CACNA1S: variants seen among roughly 807,000 people sequenced by gnomAD.
CACNA1S encodes the protein voltage-dependent L-type calcium channel subunit alpha-1S.
CACNA1S carries 126 observed loss-of-function variants against 207.4 expected under a neutral mutation model. The ratio of observed to expected loss-of-function variants is 0.61; its 90% confidence interval spans 0.53 to 0.70. The LOEUF is 0.70. Ranked by LOEUF, CACNA1S falls within the 30% of genes least tolerant of loss-of-function variation. The pLI is 0.00. For missense variants in CACNA1S, 2,349 were observed against 2,422.8 expected (o/e 0.97, Z 0.64); for synonymous variants, 960 against 932.7 (o/e 1.03, Z -0.53).
intron 33 of CACNA1S, 133 bp downstream of exon 33, chr1:201,050,851 T>C: frequency 1.0e-6 from 1 of 993,716 alleles, no homozygotes; most frequent in Admixed American, 1.8e-5. Context: ...GGGGACAACC[T>C]AACTAGAGCC....
At chr1:201,105,939 C>T (rs1662865110) in intron 2 of CACNA1S, among the ~76,000 whole-genome samples, 1 of 152,166 alleles carries the variant, frequency 6.6e-6, no homozygotes, top group South Asian at 2.1e-4. Flanking sequence ...CCCCACCCAG[C>T]CAGTTTGGCA....
At chr1:201,052,420 C>T (rs1486594132) in intron 32 of CACNA1S, 137 bp downstream of exon 32, 2 of 693,310 alleles carry the variant, frequency 2.9e-6, no homozygotes, top group Non-Finnish European at 5.3e-6. Flanking sequence ...AGCAGGGGAC[C>T]CTTCTGAGTA....
rs148593959 is a variant in CACNA1S at position 201,089,429 on chromosome 1, C to T, written c.729G>A (p.Ser243=). ...IVATVENEEP[S]PCARTGSGRR... ...GCCCTGAGCCCGTCCTGGCGCAGGG[C>T]GATGGCTCTTCATTCTCCACCGTGG... Residue 243 remains serine, a synonymous_variant, in exon 6 of 44, where the codon TCG becomes TCA. Transcript: ENST00000362061. 21 of 1,614,106 alleles carry T rather than the reference C, an allele frequency of 1.3e-5. No individual in the cohort carries two copies. The highest frequency in any genetic ancestry group is 1.7e-5 in the Non-Finnish European group (20 of 1,180,024).
Position 201,091,809 on chromosome 1 carries a change from G to A in CACNA1S, c.542-17C>T, listed in dbSNP as rs759542761. ...CCTGCAGGCCTGCAGAGGCAGGCAG[G>A]GAAGGGAAAAGAGGAGTCGCCTCTG... On this transcript the variant is annotated splice_polypyrimidine_tract_variant and intron_variant, in intron 4 of 43. Transcript: ENST00000362061. 1.2e-6 allele frequency: 2 copies of A among 1,611,064 alleles called. No homozygotes were observed. Among genetic ancestry groups the A allele is most frequent in the Admixed American group, 1.7e-5 (1 of 59,310 alleles).
intron 29 of CACNA1S, among the ~76,000 whole-genome samples, 169 bp downstream of exon 29, chr1:201,054,336 C>A (rs888570584): frequency 2.0e-5 from 3 of 152,210 alleles, no homozygotes; most frequent in Non-Finnish European, 4.4e-5. Flanking sequence ...GACTGCAGAG[C>A]CTCTGCCCCC....
chr1:201,088,786 C>T (rs545798977), intron 6 of CACNA1S, among the ~76,000 whole-genome samples: 1 of 152,246 alleles, frequency 6.6e-6, no homozygotes, highest in South Asian at 2.1e-4. Flanking sequence ...GACTGTGTGC[C>T]GGGCACTGTT....
chr1:201,054,445 G>T, intron 29 of CACNA1S, 60 bp downstream of exon 29: 2 of 1,506,162 alleles, frequency 1.3e-6, no homozygotes, highest in South Asian at 1.1e-5. Context: ...GCCCATGCAT[G>T]CAAGTGGCAG....
chr1:201,110,767 A>T (rs567550124), intron 1 of CACNA1S, among the ~76,000 whole-genome samples: 2 of 152,314 alleles, frequency 1.3e-5, no homozygotes, highest in Admixed American at 1.3e-4. Context: ...CTGAATTTCC[A>T]GAGCCATGTG....
At chr1:201,107,720 T>G (rs1055207033) in intron 2 of CACNA1S, among the ~76,000 whole-genome samples, 1 of 152,196 alleles carries the variant, frequency 6.6e-6, no homozygotes, top group Admixed American at 6.5e-5. Flanking sequence ...CCTTTTCTAC[T>G]CTGACTCCTC....
At chr1:201,095,277 C>T (rs1022653418) in intron 2 of CACNA1S, among the ~76,000 whole-genome samples, 7 of 151,978 alleles carry the variant, frequency 4.6e-5, no homozygotes, top group Non-Finnish European at 8.8e-5. Flanking sequence ...ACAACCCAGC[C>T]CCCATCACCA....
At position 201,065,900 on chromosome 1, in the gene CACNA1S, T is replaced by A; in HGVS notation, c.2791A>T (p.Ile931Phe). 6.2e-7 allele frequency: 1 copy of A among 1,614,154 alleles called. No homozygotes were observed. Among genetic ancestry groups the A allele is most frequent in the Non-Finnish European group, 8.5e-7 (1 of 1,180,008 alleles). Reference sequence around the variant, plus strand: ...TGTAGGAGGGTAGTGACCAGCACGATGTTCCCGATGGTGCTGATGGCCACG... The same window carrying A: ...TGTAGGAGGGTAGTGACCAGCACGAAGTTCCCGATGGTGCTGATGGCCACG... The part of the protein sequence containing the change: ...MFVAISTIGN[I>F]VLVTTLLQFM... The change falls in exon 22 of 44, where the codon ATC (isoleucine) becomes TTC (phenylalanine). Residue 931 changes from isoleucine (I) to phenylalanine (F), a missense_variant. Physicochemically the swap from Ile to Phe is conservative, Grantham distance 21. Coordinates refer to ENST00000362061, the MANE Select transcript of CACNA1S (RefSeq NM_000069.3).
At position 201,091,968 on chromosome 1, in the gene CACNA1S, C is replaced by A; in HGVS notation, c.541+4G>T. 6.2e-7 allele frequency: 1 copy of A among 1,614,034 alleles called. No individual in the cohort carries two copies. The highest frequency in any genetic ancestry group is 1.7e-4 in the Middle Eastern group (1 of 6,056). ...AAGGGGTCTGCAGGGACACTGCCAC[C>A]CACTAGGCACCCCCGACACCAGCCG... On this transcript the variant is annotated splice_donor_region_variant and intron_variant, in intron 4 of 43. Transcript: ENST00000362061.
chr1:201,105,560 C>T (rs1662846656), intron 2 of CACNA1S, among the ~76,000 whole-genome samples: 1 of 152,120 alleles, frequency 6.6e-6, no homozygotes, highest in Non-Finnish European at 1.5e-5. Context: ...TTTCAGAGGC[C>T]CGTGCCACTG....
intron 19 of CACNA1S, among the ~76,000 whole-genome samples, chr1:201,068,679 C>T (rs1280760318): frequency 5.9e-5 from 9 of 151,750 alleles, no homozygotes; most frequent in East Asian, 2.0e-4. Flanking sequence ...AAGACCATCC[C>T]AGCCAACATG....
chr1:201,054,159 C>T (rs778230795), intron 29 of CACNA1S, among the ~76,000 whole-genome samples: 1 of 152,246 alleles, frequency 6.6e-6, no homozygotes, highest in Non-Finnish European at 1.5e-5. Flanking sequence ...CCCTGCTCTG[C>T]TTCCTGTGTC....
rs1264740117 is a variant in CACNA1S at position 201,078,056 on chromosome 1, A to T, written c.1442T>A (p.Met481Lys). Reference protein sequence around the residue: ...LLSLFTTEMLMKMYGLGLRQY... With the variant: ...LLSLFTTEMLKKMYGLGLRQY... ...GCGCAGGCCCAGCCCGTACATCTTC[A>T]TCAGCATCTCAGTGGTGAAGAGGGA... The change falls in exon 11 of 44, where the codon ATG (methionine) becomes AAG (lysine). Residue 481 changes from methionine (M) to lysine (K), a missense_variant. Transcript: ENST00000362061. The T allele has an allele frequency of 1.2e-6, 2 of 1,614,240 alleles. No homozygotes were observed. The highest frequency in any genetic ancestry group is 3.3e-5 in the Admixed American group (2 of 60,034).
Position 201,041,779 on chromosome 1 carries a change from G to C in CACNA1S, c.5049-190C>G, listed in dbSNP as rs1572015654. On this transcript the variant is annotated intron_variant, in intron 40 of 43. Coordinates refer to ENST00000362061, the MANE Select transcript of CACNA1S (RefSeq NM_000069.3). ...AGCCCTGACTCTCTAGGAGGAAGGA[G>C]TCCAGAGCATTCCTGACTCCACTCC... 7.6e-6 allele frequency: 5 copies of C among 662,190 alleles called. No individual in the cohort carries two copies. The East Asian group carries it at 1.4e-4, about 18-fold the overall frequency. The allele number at this position is 662,190 out of a possible 1,614,324, so 41.0% of individuals were successfully genotyped here.
Position 201,089,278 on chromosome 1 carries a change from A to G in CACNA1S, c.880T>C (p.Trp294Arg). 1 of 1,614,250 alleles carries G rather than the reference A, an allele frequency of 6.2e-7. No homozygotes were observed. The highest frequency in any genetic ancestry group is 1.1e-5 in the South Asian group (1 of 91,086). ...TVYQCITMEG[W>R]TDVLYWVNDA... ...CCCACCCAGTAAAGGACGTCAGTCCATCCCTCCATGGTAATGCACTGGTAC... is the reference window on the plus strand; with the variant it reads ...CCCACCCAGTAAAGGACGTCAGTCCGTCCCTCCATGGTAATGCACTGGTAC... Residue 294 changes from tryptophan to arginine, a missense_variant, in exon 6 of 44, where the codon TGG (tryptophan) becomes CGG (arginine). Transcript: ENST00000362061.
At chr1:201,087,759 T>A in intron 7 of CACNA1S, 67 bp downstream of exon 7, 1 of 1,092,384 alleles carries the variant, frequency 9.2e-7, no homozygotes, top group South Asian at 1.3e-5. Flanking sequence ...CCGTTCCTTT[T>A]CCTTCCTCCT....
Sources: gnomAD v4.1 joint callset for allele counts (sites outside exome capture counted in the v4.1 genomes callset) on GRCh38, gnomAD v4.1.1 for gene constraint, MANE v1.5 for transcripts, NCBI Gene and HGNC (gene_info 2026-07-23, HGNC 2026-07-21) for gene names.